GNAT2: variants seen among roughly 807,000 people sequenced by gnomAD.
GNAT2 encodes the protein guanine nucleotide-binding protein G(t) subunit alpha-2.
Under a neutral mutation model 40.9 loss-of-function variants are expected in GNAT2, and 32 were observed. That is an observed-to-expected ratio of 0.78 (90% CI 0.59 to 1.05). The LOEUF is 1.05. Among genes scored for constraint, GNAT2 ranks in the 50% least tolerant of loss-of-function variants. GNAT2 has a pLI of 0.00. For missense variants in GNAT2, 355 were observed against 431.5 expected (o/e 0.82, Z 1.57); for synonymous variants, 141 against 157.2 (o/e 0.90, Z 0.77).
chr1:109,615,620 A>AAAAAG (rs71069697), intron 1 of GNAT2: 19,443 of 126,508 alleles, frequency 0.15, 1,561 homozygotes, highest in South Asian at 0.21. Context: ...AAAAAAAAAA[A>AAAAAG]AAAAGAAAAG....
In GNAT2 at chr1:109,612,840, C is replaced by A. The variant is rs759055694; in HGVS notation, c.31G>T (p.Glu11Ter). 5 of 1,613,226 alleles carry A rather than the reference C, an allele frequency of 3.1e-6. No individual in the cohort carries two copies. Among genetic ancestry groups the A allele is most frequent in the Non-Finnish European group, 8.5e-7 (1 of 1,179,224 alleles). Residue 11 changes from glutamate to a stop codon, truncating the protein, a stop_gained, in exon 2 of 9, where the codon GAA becomes TAA. Coordinates refer to ENST00000679935, the MANE Select transcript of GNAT2 (RefSeq NM_001377295.2). LOFTEE classifies it high-confidence loss of function. MGSGASAEDKELAKRSKELEK... is the reference protein window; with the variant it reads MGSGASAEDK The stretch of plus-strand genomic sequence containing the variant: ...AGCTCCTTGGACCTCTTGGCCAGTT[C>A]TTTGTCCTCAGCACTGGCTCCACTT...
At chr1:109,612,186 G>A (rs532467728) in intron 2 of GNAT2, 1 of 174,434 alleles carries the variant, frequency 5.7e-6, no homozygotes, top group Non-Finnish European at 1.3e-5. Context: ...ATTGAATAGA[G>A]AGCCAGGAAG....
At chr1:109,614,918 T>C (rs1364017710) in intron 1 of GNAT2, 1 of 152,184 alleles carries the variant, frequency 6.6e-6, no homozygotes, top group African/African-American at 2.4e-5. Context: ...GAGAGTCTCT[T>C]TGAAATTGTG....
intron 5 of GNAT2, chr1:109,607,406 G>C (rs1649640324): frequency 6.9e-6 from 1 of 145,776 alleles, no homozygotes; most frequent in African/African-American, 2.6e-5. Flanking sequence ...AGCCGAGATT[G>C]CGCCACTGCA....
In GNAT2 at chr1:109,603,927, T is replaced by C. The variant is rs1411015914; in HGVS notation, c.874+24A>G. The C allele has an allele frequency of 1.9e-6, 3 of 1,541,146 alleles. No individual in the cohort carries two copies. The East Asian group carries it at 6.7e-5, about 35-fold the overall frequency. ...CAGTCTCTACTAAAAGGCATTATTA[T>C]TATTTCCAGCCCCTGACACTTACCA... On this transcript the variant is annotated intron_variant, in intron 8 of 8. Coordinates refer to ENST00000679935, the MANE Select transcript of GNAT2 (RefSeq NM_001377295.2).
chr1:109,609,850 C>T, intron 4 of GNAT2, 190 bp downstream of exon 4: 1 of 652,648 alleles, frequency 1.5e-6, no homozygotes, highest in Non-Finnish European at 2.8e-6. Context: ...TAAGGTCTTA[C>T]TGCGTAGATG....
At position 109,619,534 on chromosome 1, in the gene GNAT2, C is replaced by T. The variant is rs1650068300; in HGVS notation, c.-105G>A. ...ACCAAGTGAGATTGCAGGGGCAGGA[C>T]TTCTGCTTAAAATGAATCCTGGGAC... On this transcript the variant is annotated 5_prime_UTR_variant, in exon 1 of 9. Coordinates refer to ENST00000679935, the MANE Select transcript of GNAT2 (RefSeq NM_001377295.2). 1 of 152,348 alleles carries T rather than the reference C, an allele frequency of 6.6e-6. No individual in the cohort carries two copies. Among genetic ancestry groups the T allele is most frequent in the South Asian group, 2.0e-4 (1 of 4,900 alleles). The allele number at this position is 152,348 out of a possible 1,614,324, so 9.4% of individuals were successfully genotyped here. A position where few individuals can be genotyped will look rare whatever the true frequency, so the allele number is the denominator to read the frequency against.
At chr1:109,605,442 G>C (rs1357567071) in intron 7 of GNAT2, 1 of 199,170 alleles carries the variant, frequency 5.0e-6, no homozygotes, top group African/African-American at 2.3e-5. Context: ...TAGTCTTCCA[G>C]CTGCCAATTT....
In GNAT2 at chr1:109,606,365, C is replaced by T. The variant is rs1310692549; in HGVS notation, c.533G>A (p.Arg178Lys). The change falls in exon 6 of 9, where the codon AGA (arginine) becomes AAA (lysine). Residue 178 changes from arginine to lysine, a missense_variant. Physicochemically the swap from Arg to Lys is conservative, Grantham distance 26 (BLOSUM62 2). Transcript: ENST00000679935. ...TTCAATGATGCCCGTGGTTTTGACT[C>T]TGGATCGGAGCACATCTTGCTCACT... ...LPSEQDVLRSRVKTTGIIETK... is the reference protein window; with the variant it reads ...LPSEQDVLRSKVKTTGIIETK... 1.2e-6 allele frequency: 2 copies of T among 1,612,586 alleles called. No homozygotes were observed. Among genetic ancestry groups the T allele is most frequent in the African/African-American group, 1.3e-5 (1 of 75,010 alleles).
intron 5 of GNAT2, 82 bp from the exon 6 acceptor site, chr1:109,606,518 C>T: frequency 8.7e-7 from 1 of 1,152,612 alleles, no homozygotes; most frequent in Non-Finnish European, 1.3e-6. Context: ...CCCAAAGTCA[C>T]ACAGCTAATT....
rs200056419 is a variant in GNAT2, at chr1:109,603,523, G to T, written c.896C>A (p.Ala299Glu). Residue 299 changes from alanine (A) to glutamate (E), a missense_variant, in exon 9 of 9, where the codon GCG becomes GAG. Ala to Glu is a moderately radical substitution (Grantham distance 107, BLOSUM62 -1). Transcript: ENST00000679935. ...EYDGNNSYDD[A>E]GNYIKSQFLD... ...GAACTGGCTCTTTATGTAATTCCCC[G>T]CATCATCATAGGAGTTGTTACCTGG... 1 of 1,609,010 alleles carries T rather than the reference G, an allele frequency of 6.2e-7. No homozygotes were observed. The highest frequency in any genetic ancestry group is 8.5e-7 in the Non-Finnish European group (1 of 1,175,482).
intron 1 of GNAT2, chr1:109,614,465 C>T (rs1649894590): frequency 6.6e-6 from 1 of 152,236 alleles, no homozygotes; most frequent in Non-Finnish European, 1.5e-5. Flanking sequence ...GTTATCACAT[C>T]TGTGAAGTTT....
intron 7 of GNAT2, 126 bp downstream of exon 7, chr1:109,605,844 T>G: frequency 1.2e-6 from 1 of 823,808 alleles, no homozygotes; most frequent in South Asian, 1.4e-5. Context: ...AGACATTGAT[T>G]GGTCTGCTGG....
chr1:109,606,211 T>C (rs777323795), intron 6 of GNAT2, 97 bp downstream of exon 6: 1 of 1,572,790 alleles, frequency 6.4e-7, no homozygotes, highest in East Asian at 2.2e-5. Flanking sequence ...GAACAGTAAT[T>C]TAGATTAGGC....
In GNAT2 at chr1:109,612,653, G is replaced by A. The variant is rs41313290; in HGVS notation, c.118+100C>T. On this transcript the variant is annotated intron_variant, in intron 2 of 8. Transcript: ENST00000679935. Reference sequence around the variant, plus strand: ...GTGTAGAGGAGAGGAAAAATGACCTGCCACCCTTCCTTCCCATGGGGTGAG... The same window carrying A: ...GTGTAGAGGAGAGGAAAAATGACCTACCACCCTTCCTTCCCATGGGGTGAG... The A allele has an allele frequency of 0.013, 10,225 of 797,550 alleles. 97 individuals are homozygous for A. The highest frequency in any genetic ancestry group is 0.031 in the Middle Eastern group (131 of 4,206). 49.4% of individuals were successfully genotyped at this position (797,550 alleles called of 1,614,324 possible). A position where few individuals can be genotyped will look rare whatever the true frequency, so the allele number is the denominator to read the frequency against.
chr1:109,607,463 A>AAAAAAAAAAAAG (rs796928432), intron 5 of GNAT2: 9 of 151,632 alleles, frequency 5.9e-5, no homozygotes, highest in Non-Finnish European at 1.0e-4. Flanking sequence ...AAAAAAAAAA[A>AAAAAAAAAAAAG]GGCAAGAGGA....
Position 109,603,370 on chromosome 1 carries a change from T to C in GNAT2, c.1049A>G (p.Asp350Gly), listed in dbSNP as rs1053006467. 1 of 1,594,772 alleles carries C rather than the reference T, an allele frequency of 6.3e-7. No individual in the cohort carries two copies. Among genetic ancestry groups the C allele is most frequent in the Non-Finnish European group, 8.6e-7 (1 of 1,162,980 alleles). ...TDIIIKENLK[D>G]CGLF The stretch of plus-strand genomic sequence containing the variant: ...TGGTGAGGATTAGAAGAGGCCGCAG[T>C]CCTTGAGGTTTTCTTTGATGATAAT... The change falls in exon 9 of 9, where the codon GAC (aspartate) becomes GGC (glycine). Residue 350 changes from aspartate (D) to glycine (G), a missense_variant. Asp to Gly is a moderately conservative substitution (Grantham distance 94, BLOSUM62 -1). Coordinates refer to ENST00000679935, the MANE Select transcript of GNAT2 (RefSeq NM_001377295.2).
chr1:109,610,892 G>A, intron 2 of GNAT2: 1 of 330,608 alleles, frequency 3.0e-6, no homozygotes. Context: ...AGATTCAGGG[G>A]GAGTCCTTTA....
In GNAT2 at chr1:109,604,053, A is replaced by G; in HGVS notation, c.772T>C (p.Phe258Leu). The change falls in exon 8 of 9, where the codon TTC becomes CTC. Residue 258 changes from phenylalanine to leucine, a missense_variant. By Grantham distance (22) the Phe-to-Leu change is conservative (BLOSUM62 0). Coordinates refer to ENST00000679935, the MANE Select transcript of GNAT2 (RefSeq NM_001377295.2). ...HLFNSICNHK[F>L]FAATSIVLFL... is the part of the protein sequence containing the mutation. The stretch of plus-strand genomic sequence containing the variant: ...AGGACAATGGAAGTAGCCGCAAAGA[A>G]TTTGTGGTTACATATGCTGTTGAAC... 1 of 1,609,818 alleles carries G rather than the reference A, an allele frequency of 6.2e-7. No individual in the cohort carries two copies. The highest frequency in any genetic ancestry group is 8.5e-7 in the Non-Finnish European group (1 of 1,176,062).
Sources: gnomAD v4.1 joint callset for allele counts on GRCh38, gnomAD v4.1.1 for gene constraint, MANE v1.5 for transcripts, NCBI Gene and HGNC (gene_info 2026-07-23, HGNC 2026-07-21) for gene names.